Variants in GAB1 observed in about 807,000 individuals in gnomAD.
The protein encoded by GAB1 is GRB2-associated-binding protein 1.
In GAB1, 19 loss-of-function variants were observed where a neutral mutation model predicts 66.5. That is an observed-to-expected ratio of 0.29 (90% CI 0.20 to 0.42). The LOEUF (loss-of-function observed/expected upper bound fraction) is 0.42. Ranked by LOEUF, GAB1 falls within the 10% of genes least tolerant of loss-of-function variation. The probability of loss-of-function intolerance (pLI) is 1.00; values close to 1 mark genes in which losing one functional copy is unlikely to be tolerated. For missense variants in GAB1, 732 were observed against 858.5 expected, an observed-to-expected ratio of 0.85 and a Z score of 1.84; for synonymous variants, 294 against 301.4, an observed-to-expected ratio of 0.98 and a Z score of 0.25.
At chr4:143,439,591 G>A (rs1194479584) in intron 4 of GAB1, 1 of 491,074 alleles carries the variant, frequency 2.0e-6, no homozygotes, top group Non-Finnish European at 3.7e-6. Context: ...TTAGATATTG[G>A]TATTGGTTAG....
At chr4:143,457,614 T>A in intron 6 of GAB1, 1 of 560,344 alleles carries the variant, frequency 1.8e-6, no homozygotes, top group South Asian at 3.1e-5. Flanking sequence ...TTTTTTTTTT[T>A]TACAGAATCC....
At chr4:143,413,824 C>CCTTTTTTTTTTTTTTTTTTTTTTTTTTTT (rs61697817) in intron 1 of GAB1, among the ~76,000 whole-genome samples, 1 of 67,834 alleles carries the variant, frequency 1.5e-5, no homozygotes, top group African/African-American at 9.4e-5. Flanking sequence ...CCCCGCTGCC[C>CCTTTTTTTTTTTTTTTTTTTTTTTTTTTT]TTTTTTTTTT....
chr4:143,418,792 A>C (rs1053261877), intron 2 of GAB1, among the ~76,000 whole-genome samples: 1 of 152,176 alleles, frequency 6.6e-6, no homozygotes, highest in Admixed American at 6.5e-5. Flanking sequence ...TTTGAAGCCT[A>C]TTCAAGGGTG....
At chr4:143,404,735 G>A (rs1348259213) in intron 1 of GAB1, among the ~76,000 whole-genome samples, 3 of 152,196 alleles carry the variant, frequency 2.0e-5, no homozygotes, top group African/African-American at 7.2e-5. Context: ...GAGCAACAGA[G>A]CGAGACACTG....
chr4:143,353,599 T>C (rs1313986970), intron 1 of GAB1, among the ~76,000 whole-genome samples: 1 of 151,600 alleles, frequency 6.6e-6, no homozygotes, highest in African/African-American at 2.4e-5. Context: ...TATTCTTATT[T>C]TTTTTTTTTG....
Position 143,469,214 on chromosome 4 carries a change from C to A in GAB1, c.*25C>A, listed in dbSNP as rs1211572035. ...AAAATATTGCCTTGCCATTTCTGAA[C>A]AAAAGAAAACTGAATTGTAAAGATA... is the stretch of plus-strand genomic sequence containing the variant. On this transcript the variant is annotated 3_prime_UTR_variant, in exon 10 of 10. Coordinates refer to ENST00000262994, the MANE Select transcript of GAB1 (RefSeq NM_002039.4). 3.1e-6 allele frequency: 5 copies of A among 1,609,984 alleles called. 1 individual carries two copies. In the African/African-American group the frequency reaches 4.0e-5, roughly 13 times the overall value.
chr4:143,439,602 C>A, intron 4 of GAB1, 200 bp from the exon 5 acceptor site: 1 of 548,242 alleles, frequency 1.8e-6, no homozygotes, highest in Non-Finnish European at 3.3e-6. Context: ...TATTGGTTAG[C>A]ATATGAGTGA....
intron 1 of GAB1, among the ~76,000 whole-genome samples, chr4:143,377,442 T>C (rs1730467632): frequency 6.6e-6 from 1 of 152,204 alleles, no homozygotes; most frequent in South Asian, 2.1e-4. Flanking sequence ...TGTTGAAATT[T>C]ATAACTGAAA....
intron 1 of GAB1, among the ~76,000 whole-genome samples, chr4:143,392,501 C>A (rs915577993): frequency 5.9e-5 from 9 of 151,996 alleles, no homozygotes; most frequent in Admixed American, 6.6e-5. Context: ...ATGAAACCTA[C>A]CAAAACTTAC....
chr4:143,403,514 GC>G lies in GAB1; in HGVS notation c.73-11962del, dbSNP rs1731883928. ...ATTGAAAACAAAAAGAAATAAATAG[GC>G]AATCGTCTTTCTTGTATGGTGAGAT... On this transcript the variant is annotated intron_variant, in intron 1 of 9. Transcript: ENST00000262994. 2.6e-5 allele frequency among the ~76,000 whole-genome samples: 4 copies of G among 152,194 alleles called. No individual in the cohort carries two copies. The South Asian group carries it at 8.3e-4, about 31-fold the overall frequency.
chr4:143,337,309 C>G, intron 1 of GAB1, 49 bp downstream of exon 1: 1 of 1,488,828 alleles, frequency 6.7e-7, no homozygotes, highest in East Asian at 2.4e-5. Flanking sequence ...GTCCACACCC[C>G]TCCCCAGTCG....
chr4:143,428,196 C>A (rs531975011), intron 2 of GAB1, among the ~76,000 whole-genome samples: 1 of 152,204 alleles, frequency 6.6e-6, no homozygotes, highest in Non-Finnish European at 1.5e-5. Flanking sequence ...TGCCTTTTAA[C>A]TTCCATTATT....
rs138807912 is a variant in GAB1, at chr4:143,373,633, A to G, written c.72+36373A>G. On this transcript the variant is annotated intron_variant, in intron 1 of 9. Coordinates refer to ENST00000262994, the MANE Select transcript of GAB1 (RefSeq NM_002039.4). ...CACTTGAGCTCAGGAGTTTGAGACCAGCCTGGGCAACATGGCAAAAATGCA... is the reference window on the plus strand; with the variant it reads ...CACTTGAGCTCAGGAGTTTGAGACCGGCCTGGGCAACATGGCAAAAATGCA... 1.3e-3 allele frequency among the ~76,000 whole-genome samples: 196 copies of G among 152,162 alleles called. 3 individuals carry two copies. The East Asian group carries it at 0.023, about 18-fold the overall frequency.
intron 3 of GAB1, chr4:143,434,258 T>A (rs1733826188): frequency 2.2e-6 from 1 of 458,058 alleles, no homozygotes; most frequent in Non-Finnish European, 3.5e-6. Flanking sequence ...ATATACAAAT[T>A]GGATGTTAGT....
At chr4:143,435,250 A>G (rs1038252930) in intron 3 of GAB1, among the ~76,000 whole-genome samples, 50 of 152,176 alleles carry the variant, frequency 3.3e-4, no homozygotes, top group African/African-American at 1.2e-3. Context: ...CTGGATTTCT[A>G]TGTATTTGTT....
chr4:143,466,629 A>G (rs982109558), intron 9 of GAB1, among the ~76,000 whole-genome samples: 1 of 151,564 alleles, frequency 6.6e-6, no homozygotes, highest in Non-Finnish European at 1.5e-5. Flanking sequence ...AGCTGGGATT[A>G]CAGATGCGCG....
At chr4:143,450,666 G>C in intron 6 of GAB1, among the ~76,000 whole-genome samples, 1 of 152,154 alleles carries the variant, frequency 6.6e-6, no homozygotes, top group East Asian at 1.9e-4. Context: ...GAGGTGGGCA[G>C]ATCACCTGAG....
intron 1 of GAB1, among the ~76,000 whole-genome samples, chr4:143,365,916 A>AT (rs1729865353): frequency 6.6e-6 from 1 of 152,040 alleles, no homozygotes; most frequent in Non-Finnish European, 1.5e-5. Flanking sequence ...ACAATAAGCC[A>AT]TTTTTTTGGA....
At chr4:143,421,549 A>C (rs1432830086) in intron 2 of GAB1, among the ~76,000 whole-genome samples, 1 of 152,052 alleles carries the variant, frequency 6.6e-6, no homozygotes, top group Admixed American at 6.6e-5. Flanking sequence ...CATTCTCATC[A>C]ATGTTTGATG....
Sources: allele counts gnomAD v4.1 joint callset (sites outside exome capture counted in the v4.1 genomes callset), GRCh38; gene constraint gnomAD v4.1.1; transcripts MANE v1.5; gene names NCBI Gene and HGNC (gene_info 2026-07-23, HGNC 2026-07-21).